WDR72: variants seen among roughly 807,000 people sequenced by gnomAD.
WDR72 encodes WD repeat domain 72.
A neutral mutation model predicts 124.2 loss-of-function variants in WDR72; 120 were observed. The ratio of observed to expected loss-of-function variants is 0.97; its 90% CI spans 0.83 to 1.12. The LOEUF is 1.12. Among genes scored for constraint, WDR72 ranks in the 50% most tolerant of loss-of-function variants. WDR72 has a pLI of 0.00. For synonymous variants in WDR72, 452 were observed against 441.7 expected, an observed-to-expected ratio of 1.02 and a Z score of -0.29; for missense variants, 1,387 against 1,278.8, an observed-to-expected ratio of 1.08 and a Z score of -1.29.
intron 18 of WDR72, among the ~76,000 whole-genome samples, chr15:53,536,567 A>T (rs1220985957): frequency 6.6e-6 from 1 of 152,152 alleles, no homozygotes; most frequent in Non-Finnish European, 1.5e-5. Context: ...TATACAAAAA[A>T]GCTGGATATT....
At chr15:53,606,932 G>A (rs906960594) in intron 17 of WDR72, among the ~76,000 whole-genome samples, 1 of 152,138 alleles carries the variant, frequency 6.6e-6, no homozygotes, top group Non-Finnish European at 1.5e-5. Context: ...TTCCAACTGT[G>A]TATATTTAGT....
chr15:53,661,306 T>C (rs927304017), intron 14 of WDR72, among the ~76,000 whole-genome samples: 5 of 152,190 alleles, frequency 3.3e-5, no homozygotes, highest in African/African-American at 1.2e-4. Context: ...GGCCTCAGTC[T>C]TCTTCCACTC....
intron 9 of WDR72, among the ~76,000 whole-genome samples, chr15:53,709,145 A>G (rs1170232638): frequency 6.6e-6 from 1 of 152,218 alleles, no homozygotes; most frequent in East Asian, 1.9e-4. Context: ...CAATGCCTTC[A>G]TTACTTGGTA....
At chr15:53,711,314 T>C (rs376426185) in intron 8 of WDR72, 22 bp downstream of exon 8, 1 of 1,613,996 alleles carries the variant, frequency 6.2e-7, no homozygotes, top group African/African-American at 1.3e-5. Context: ...ATGTTTTGTA[T>C]GCCGCTCCCA....
intron 17 of WDR72, among the ~76,000 whole-genome samples, chr15:53,607,361 A>G (rs78126463): frequency 0.014 from 2,063 of 152,292 alleles, 47 homozygotes; most frequent in African/African-American, 0.048. Context: ...AGAACCTAGA[A>G]ACAAATCCAT....
In WDR72 at chr15:53,665,705, G is replaced by A. The variant is rs2015755341; in HGVS notation, c.1829C>T (p.Ser610Leu). 6.2e-7 allele frequency: 1 copy of A among 1,613,750 alleles called. No individual in the cohort carries two copies. The highest frequency in any genetic ancestry group is 1.3e-5 in the African/African-American group (1 of 74,886). Residue 610 changes from serine to leucine, a missense_variant, in exon 14 of 20, where the codon TCA becomes TTA. Physicochemically the swap from Ser to Leu is moderately radical, Grantham distance 145. Transcript: ENST00000360509. ...ARIILNCCDD[S>L]QLVKSVLPIA... ...GGGAAGTACAGACTTCACAAGCTGT[G>A]AATCATCACAACAATTAAGAATAAT...
At chr15:53,647,158 T>A (rs2015072192) in intron 14 of WDR72, among the ~76,000 whole-genome samples, 1 of 152,094 alleles carries the variant, frequency 6.6e-6, no homozygotes, top group Admixed American at 6.6e-5. Context: ...ATGGAAAAGA[T>A]GTGTTCAATT....
chr15:53,596,700 A>G (rs1176870969), intron 18 of WDR72, among the ~76,000 whole-genome samples: 1 of 152,186 alleles, frequency 6.6e-6, no homozygotes, highest in African/African-American at 2.4e-5. Flanking sequence ...ATTTATGATT[A>G]TAATAGGATC....
At chr15:53,728,819 C>T (rs1243241592) in intron 2 of WDR72, among the ~76,000 whole-genome samples, 1 of 152,108 alleles carries the variant, frequency 6.6e-6, no homozygotes, top group Non-Finnish European at 1.5e-5. Flanking sequence ...AACTAGAGGG[C>T]TATGGGAGTC....
At chr15:53,633,702 C>T (rs1355829923) in intron 14 of WDR72, among the ~76,000 whole-genome samples, 1 of 152,000 alleles carries the variant, frequency 6.6e-6, no homozygotes, top group African/African-American at 2.4e-5. Flanking sequence ...CTATCAGAAA[C>T]AGATCACTCA....
intron 1 of WDR72, among the ~76,000 whole-genome samples, chr15:53,752,172 G>A (rs902537065): frequency 3.9e-5 from 6 of 152,136 alleles, no homozygotes; most frequent in African/African-American, 1.2e-4. Flanking sequence ...AATTGGCAAA[G>A]TAAAGTAATT....
intron 13 of WDR72, among the ~76,000 whole-genome samples, chr15:53,674,910 C>T (rs547631097): frequency 9.2e-5 from 14 of 151,354 alleles, no homozygotes; most frequent in South Asian, 2.1e-4. Context: ...TCCAGAAAAA[C>T]GGAATAAAGA....
rs377739929 is a variant in WDR72 at position 53,538,293 on chromosome 15, T to C, written c.3149-14971A>G. On this transcript the variant is annotated intron_variant, in intron 18 of 19. Coordinates refer to ENST00000360509, the MANE Select transcript of WDR72 (RefSeq NM_182758.4). ...TTAAATGAGCAACTATAATCTTTTA[T>C]ATTTCAAAGTAAGAACAGGTCTTGC... Among the ~76,000 whole-genome samples the C allele has an allele frequency of 5.3e-5, 8 of 152,328 alleles. No individual in the cohort carries two copies. The South Asian group carries it at 1.0e-3, about 20-fold the overall frequency.
In WDR72 at chr15:53,542,590, G is replaced by A. The variant is rs1364333641; in HGVS notation, c.3149-19268C>T. On this transcript the variant is annotated intron_variant, in intron 18 of 19. Coordinates refer to ENST00000360509, the MANE Select transcript of WDR72 (RefSeq NM_182758.4). Reference sequence around the variant, plus strand: ...CTAGGAAGAAACTGCATCAACTAACGAGCAAAATCACCAGCTAACATCATA... The same window carrying A: ...CTAGGAAGAAACTGCATCAACTAACAAGCAAAATCACCAGCTAACATCATA... 3.9e-4 allele frequency among the ~76,000 whole-genome samples: 8 copies of A among 20,424 alleles called. No individual in the cohort carries two copies. The East Asian group carries it at 4.8e-3, about 12-fold the overall frequency. The allele number at this position is 20,424 out of a possible 152,430, so 13.4% of individuals were successfully genotyped here.
At chr15:53,625,946 A>T (rs2014188751) in intron 14 of WDR72, among the ~76,000 whole-genome samples, 1 of 152,200 alleles carries the variant, frequency 6.6e-6, no homozygotes, top group African/African-American at 2.4e-5. Flanking sequence ...AAAATGCTTA[A>T]ACAAGACTGG....
chr15:53,560,291 C>T (rs1894082004), intron 18 of WDR72, among the ~76,000 whole-genome samples: 1 of 151,878 alleles, frequency 6.6e-6, no homozygotes, highest in Non-Finnish European at 1.5e-5. Flanking sequence ...TATTCTGCTA[C>T]TTTCTGATGC....
chr15:53,688,624 A>G (rs988114894), intron 13 of WDR72, among the ~76,000 whole-genome samples: 10 of 152,174 alleles, frequency 6.6e-5, no homozygotes, highest in South Asian at 2.1e-4. Flanking sequence ...ATATCGTGAA[A>G]ATGGCCATAC....
intron 13 of WDR72, among the ~76,000 whole-genome samples, chr15:53,693,469 C>T (rs61069743): frequency 0.025 from 3,746 of 152,242 alleles, 174 homozygotes; most frequent in African/African-American, 0.086. Context: ...AGATTAAACA[C>T]TGAATATTTT....
intron 14 of WDR72, among the ~76,000 whole-genome samples, chr15:53,655,994 T>C (rs1339409651): frequency 1.3e-5 from 2 of 152,198 alleles, no homozygotes; most frequent in Non-Finnish European, 2.9e-5. Context: ...CCCAGCTTTG[T>C]AAGCTTTCTT....
Sources: gnomAD v4.1 joint callset for allele counts (sites outside exome capture counted in the v4.1 genomes callset) on GRCh38, gnomAD v4.1.1 for gene constraint, MANE v1.5 for transcripts, NCBI Gene and HGNC (gene_info 2026-07-23, HGNC 2026-07-21) for gene names.